The following ALKBH3 variants were observed in gnomAD, a reference collection of about 807,000 sequenced individuals.
ALKBH3 encodes the protein alpha-ketoglutarate-dependent dioxygenase alkB homolog 3.
ALKBH3 carries 51 observed loss-of-function variants against 43.9 expected under a neutral mutation model. That is an observed-to-expected ratio of 1.16 (90% CI 0.93 to 1.47). The LOEUF (loss-of-function observed/expected upper bound fraction) is 1.47. Among genes scored for constraint, ALKBH3 ranks in the 40% most tolerant of loss-of-function variants. The probability of loss-of-function intolerance (pLI) is 0.00; values close to 1 mark genes in which losing one functional copy is unlikely to be tolerated. For synonymous variants in ALKBH3, 102 were observed against 115.2 expected, an observed-to-expected ratio of 0.89 and a Z score of 0.73; for missense variants, 361 against 351.9, an observed-to-expected ratio of 1.03 and a Z score of -0.21.
At chr11:43,886,395 A>G (rs1951746541) in intron 4 of ALKBH3, among the ~76,000 whole-genome samples, 1 of 152,174 alleles carries the variant, frequency 6.6e-6, no homozygotes, top group African/African-American at 2.4e-5. Flanking sequence ...TTTTGTCTCC[A>G]TGGCCTGATA....
intron 7 of ALKBH3, chr11:43,898,706 C>A: frequency 1.4e-6 from 1 of 716,486 alleles, no homozygotes; most frequent in Admixed American, 1.9e-5. Flanking sequence ...GCCAGTTACC[C>A]TAAGAGACTG....
chr11:43,895,582 G>A (rs1466619282), intron 7 of ALKBH3, among the ~76,000 whole-genome samples: 1 of 152,236 alleles, frequency 6.6e-6, no homozygotes, highest in Non-Finnish European at 1.5e-5. Flanking sequence ...CATTCAAGGA[G>A]TTCCCTAAAG....
intron 8 of ALKBH3, among the ~76,000 whole-genome samples, chr11:43,904,347 G>C (rs1951882329): frequency 6.6e-6 from 1 of 152,204 alleles, no homozygotes; most frequent in Admixed American, 6.5e-5. Context: ...GTTGTTGACT[G>C]TAGTAAGTTT....
intron 8 of ALKBH3, among the ~76,000 whole-genome samples, chr11:43,914,257 C>T (rs1478209615): frequency 1.3e-5 from 2 of 152,218 alleles, no homozygotes; most frequent in East Asian, 3.8e-4. Context: ...CTCCTGCTAG[C>T]TTTTGCCTTA....
intron 2 of ALKBH3, 75 bp from the exon 3 acceptor site, chr11:43,883,010 A>C: frequency 8.2e-7 from 1 of 1,214,544 alleles, no homozygotes; most frequent in Non-Finnish European, 1.2e-6. Flanking sequence ...AGTGGGCTTT[A>C]TTGGCCCTTG....
At chr11:43,918,552 T>C (rs926938760) in intron 8 of ALKBH3, among the ~76,000 whole-genome samples, 4 of 152,188 alleles carry the variant, frequency 2.6e-5, no homozygotes, top group Non-Finnish European at 4.4e-5. Context: ...TAGCATACAT[T>C]GTGAAAAGGT....
intron 2 of ALKBH3, 49 bp from the exon 3 acceptor site, chr11:43,883,036 T>C (rs1326605723): frequency 2.7e-6 from 4 of 1,505,954 alleles, no homozygotes; most frequent in Non-Finnish European, 3.7e-6. Context: ...TAGAAGGTGC[T>C]GAGAACAGAC....
chr11:43,883,152 C>G lies in ALKBH3; in HGVS notation c.147C>G (p.Leu49=), dbSNP rs199789624. 1.7e-5 allele frequency: 28 copies of G among 1,614,046 alleles called. No homozygotes were observed. In the Admixed American group the frequency reaches 2.0e-4, roughly 12 times the overall value. Residue 49 remains leucine (L), a synonymous_variant, in exon 3 of 10, where the codon CTC becomes CTG. Transcript: ENST00000302708. ...GQTWKNKEHH[L]SDREFVFKEP... is the part of the protein sequence containing the mutation. ...CCTGGAAGAACAAAGAGCATCATCT[C>G]TCTGACAGAGAGTTTGTGTTCAAAG...
At chr11:43,919,243 G>A (rs768116637) in intron 9 of ALKBH3, 107 bp downstream of exon 9, 29 of 922,474 alleles carry the variant, frequency 3.1e-5, no homozygotes, top group Non-Finnish European at 5.0e-5. Context: ...CTTTTACAAC[G>A]AGCAAGAGGG....
At chr11:43,899,861 C>T (rs72904233) in intron 7 of ALKBH3, among the ~76,000 whole-genome samples, 3,730 of 132,826 alleles carry the variant, frequency 0.028, 72 homozygotes, top group Middle Eastern at 0.058. Context: ...AAAAGATTGA[C>T]GTGGTCTCAG....
chr11:43,884,553 T>A (rs574057415), intron 4 of ALKBH3, among the ~76,000 whole-genome samples: 1 of 152,320 alleles, frequency 6.6e-6, no homozygotes, highest in Non-Finnish European at 1.5e-5. Context: ...TGAGAGATGC[T>A]TTGACTCCTC....
chr11:43,894,900 G>T (rs1565124716), intron 7 of ALKBH3, among the ~76,000 whole-genome samples: 1 of 152,136 alleles, frequency 6.6e-6, no homozygotes, highest in Non-Finnish European at 1.5e-5. Context: ...TAAAAAAGGA[G>T]AACAAGAGAT....
chr11:43,916,003 CTT>C (rs1245708115), intron 8 of ALKBH3, among the ~76,000 whole-genome samples: 2 of 152,162 alleles, frequency 1.3e-5, no homozygotes, highest in Non-Finnish European at 1.5e-5. Flanking sequence ...CTTTAGTAAA[CTT>C]ATGTTACTTT....
intron 7 of ALKBH3, chr11:43,898,627 G>T: frequency 1.4e-6 from 1 of 735,686 alleles, no homozygotes; most frequent in South Asian, 1.4e-5. Flanking sequence ...GGACTTGGAA[G>T]GGGTGAACAT....
At chr11:43,911,428 C>G (rs1011630736) in intron 8 of ALKBH3, among the ~76,000 whole-genome samples, 5 of 152,170 alleles carry the variant, frequency 3.3e-5, no homozygotes, top group African/African-American at 1.2e-4. Flanking sequence ...GGAGGAGTTC[C>G]TTCTTCTACG....
chr11:43,883,774 T>C (rs543844380), intron 3 of ALKBH3, among the ~76,000 whole-genome samples: 1 of 152,306 alleles, frequency 6.6e-6, no homozygotes, highest in Admixed American at 6.5e-5. Flanking sequence ...ATTCTATTAA[T>C]AATTGTATCT....
chr11:43,888,704 G>A (rs1477613335), intron 5 of ALKBH3, among the ~76,000 whole-genome samples: 1 of 152,194 alleles, frequency 6.6e-6, no homozygotes, highest in East Asian at 1.9e-4. Flanking sequence ...ATATCTCATT[G>A]TTAACTAGAT....
In ALKBH3 at chr11:43,882,697, T is replaced by TGTTAAAAGCCCCTGTTAAAA; in HGVS notation, c.46_47insTTAAAAGCCCCTGTTAAAAG (p.Ala16ValfsTer6). ...GAGCCCGAGTTCAGGGAGCCTGGGCTGCCCCTGTTAAAAGCCAGGCCATTG... is the reference window on the plus strand; with the variant it reads ...GAGCCCGAGTTCAGGGAGCCTGGGCTGTTAAAAGCCCCTGTTAAAAGCCCCTGTTAAAAGCCAGGCCATTG... On this transcript the variant is annotated stop_gained and frameshift_variant, in exon 2 of 10. Coordinates refer to ENST00000302708, the MANE Select transcript of ALKBH3 (RefSeq NM_139178.4). LOFTEE classifies it high-confidence loss of function. The TGTTAAAAGCCCCTGTTAAAA allele has an allele frequency of 6.2e-7, 1 of 1,613,626 alleles. No individual in the cohort carries two copies. The highest frequency in any genetic ancestry group is 1.1e-5 in the South Asian group (1 of 90,984).
intron 8 of ALKBH3, among the ~76,000 whole-genome samples, chr11:43,912,854 G>T (rs1590380864): frequency 6.6e-6 from 1 of 152,002 alleles, no homozygotes; most frequent in East Asian, 1.9e-4. Context: ...TTCCTTATCA[G>T]GAAAGTACAT....
Sources: allele counts gnomAD v4.1 joint callset (sites outside exome capture counted in the v4.1 genomes callset), GRCh38; gene constraint gnomAD v4.1.1; transcripts MANE v1.5; gene names NCBI Gene and HGNC (gene_info 2026-07-23, HGNC 2026-07-21).